Variants in CSMD3 observed in about 807,000 individuals in gnomAD.
The protein encoded by CSMD3 is CUB and Sushi multiple domains 3.
CSMD3 carries 177 observed loss-of-function variants against 435.2 expected under a neutral mutation model. That is an observed-to-expected ratio of 0.41 (90% CI 0.36 to 0.46). The LOEUF is 0.46. Among genes scored for constraint, CSMD3 ranks in the 20% least tolerant of loss-of-function variants. CSMD3 has a pLI of 0.34. For missense variants in CSMD3, 4,265 were observed against 4,504.6 expected (o/e 0.95, Z 1.52); for synonymous variants, 1,656 against 1,520.5 (o/e 1.09, Z -2.07).
chr8:112,594,913 G>GA (rs1376687791), intron 22 of CSMD3, among the ~76,000 whole-genome samples: 2 of 151,612 alleles, frequency 1.3e-5, no homozygotes, highest in East Asian at 1.9e-4. Flanking sequence ...CAAAGATGGG[G>GA]AAAAAACAGA....
At chr8:112,795,550 T>A (rs1167137147) in intron 13 of CSMD3, among the ~76,000 whole-genome samples, 1 of 152,134 alleles carries the variant, frequency 6.6e-6, no homozygotes, top group Non-Finnish European at 1.5e-5. Context: ...TCACTATAAT[T>A]TAATGGAATT....
At chr8:113,270,194 C>T (rs1417803388) in intron 3 of CSMD3, among the ~76,000 whole-genome samples, 1 of 151,974 alleles carries the variant, frequency 6.6e-6, no homozygotes, top group Non-Finnish European at 1.5e-5. Context: ...ATGTAGCCAA[C>T]AGACACATGA....
chr8:112,917,173 C>T (rs748246242), intron 10 of CSMD3, among the ~76,000 whole-genome samples: 84 of 151,968 alleles, frequency 5.5e-4, no homozygotes, highest in Non-Finnish European at 8.8e-4. Context: ...ATTCAAAATT[C>T]GAACACTTTA....
At chr8:112,723,958 C>T (rs28470486) in intron 13 of CSMD3, among the ~76,000 whole-genome samples, 2,093 of 151,804 alleles carry the variant, frequency 0.014, 48 homozygotes, top group African/African-American at 0.048. Context: ...AGAGATCATC[C>T]GTTCACTCCC....
At position 113,196,385 on chromosome 8, in the gene CSMD3, G is replaced by C. The variant is rs1216319911; in HGVS notation, c.515-22469C>G. Among the ~76,000 whole-genome samples, 3 of 151,210 alleles carry C rather than the reference G, an allele frequency of 2.0e-5. No homozygotes were observed. In the Admixed American group the frequency reaches 2.0e-4, roughly 10 times the overall value. On this transcript the variant is annotated intron_variant, in intron 3 of 70. Transcript: ENST00000297405. Reference sequence around the variant, plus strand: ...GAATACACATGACTTATTTGGGAAAGGTGGGCAGATTGGGGTGAATAGACT... The same window carrying C: ...GAATACACATGACTTATTTGGGAAACGTGGGCAGATTGGGGTGAATAGACT...
In CSMD3 at chr8:112,488,942, G is replaced by T. The variant is rs78103186; in HGVS notation, c.5278+3547C>A. On this transcript the variant is annotated intron_variant, in intron 31 of 70. Coordinates refer to ENST00000297405, the MANE Select transcript of CSMD3 (RefSeq NM_198123.2). Reference sequence around the variant, plus strand: ...TCTGACCAATAAGAGGATAGAGAGGGATAAGGCAGATGACCATTGCTTTAA... The same window carrying T: ...TCTGACCAATAAGAGGATAGAGAGGTATAAGGCAGATGACCATTGCTTTAA... Among the ~76,000 whole-genome samples the T allele has an allele frequency of 9.3e-4, 142 of 152,004 alleles. 3 individuals carry two copies. The East Asian group carries it at 0.026, about 28-fold the overall frequency.
chr8:113,029,648 G>A (rs1411374433), intron 5 of CSMD3, among the ~76,000 whole-genome samples: 2 of 151,548 alleles, frequency 1.3e-5, no homozygotes, highest in Admixed American at 1.3e-4. Context: ...AGCCATCTAT[G>A]AAACACCCAC....
At chr8:112,562,170 T>G (rs1175782677) in intron 24 of CSMD3, among the ~76,000 whole-genome samples, 1 of 151,672 alleles carries the variant, frequency 6.6e-6, no homozygotes, top group East Asian at 1.9e-4. Context: ...AAAAGATAAA[T>G]AGTAAAATTT....
intron 6 of CSMD3, among the ~76,000 whole-genome samples, chr8:112,997,842 G>A (rs1469750363): frequency 7.7e-6 from 1 of 130,588 alleles, no homozygotes; most frequent in African/African-American, 3.0e-5. Context: ...ATATACGTAT[G>A]TATGTACATG....
chr8:113,389,640 T>C (rs991995001), intron 1 of CSMD3, among the ~76,000 whole-genome samples: 5 of 151,756 alleles, frequency 3.3e-5, no homozygotes, highest in Non-Finnish European at 7.4e-5. Flanking sequence ...GACACACATG[T>C]TTTCAAAGTC....
chr8:112,250,879 A>C (rs1200722365), intron 63 of CSMD3, among the ~76,000 whole-genome samples: 2 of 151,858 alleles, frequency 1.3e-5, no homozygotes, highest in Non-Finnish European at 2.9e-5. Context: ...TAGAATTTTA[A>C]GACATGTTTA....
chr8:112,316,741 C>T (rs1822513348), intron 47 of CSMD3, among the ~76,000 whole-genome samples: 1 of 151,866 alleles, frequency 6.6e-6, no homozygotes, highest in South Asian at 2.1e-4. Context: ...CTCCTAGATT[C>T]AGTTGCAGCC....
At chr8:112,922,210 T>G (rs1310107892) in intron 9 of CSMD3, among the ~76,000 whole-genome samples, 1 of 152,016 alleles carries the variant, frequency 6.6e-6, no homozygotes, top group Non-Finnish European at 1.5e-5. Flanking sequence ...TCATAAGGTG[T>G]TTTTTTCTAA....
chr8:112,329,094 A>G (rs1335199341), intron 45 of CSMD3, among the ~76,000 whole-genome samples: 1 of 152,168 alleles, frequency 6.6e-6, no homozygotes, highest in African/African-American at 2.4e-5. Context: ...CTCCGCATGC[A>G]GACAGCTAAT....
chr8:112,335,266 C>A, intron 45 of CSMD3, 63 bp downstream of exon 45: 1 of 1,466,748 alleles, frequency 6.8e-7, no homozygotes, highest in East Asian at 2.3e-5. Context: ...ATATTACATT[C>A]ACTTTTTTCC....
At chr8:112,901,062 C>A (rs764732723) in intron 10 of CSMD3, among the ~76,000 whole-genome samples, 9 of 151,202 alleles carry the variant, frequency 6.0e-5, no homozygotes, top group Non-Finnish European at 8.9e-5. Context: ...TACTTGGTTT[C>A]AGACAAGTTA....
chr8:112,868,755 A>C (rs2081053843), intron 10 of CSMD3, among the ~76,000 whole-genome samples: 1 of 152,142 alleles, frequency 6.6e-6, no homozygotes, highest in East Asian at 1.9e-4. Context: ...AAAATACAAA[A>C]TGGGGGAAAG....
At chr8:112,924,124 T>C (rs983372770) in intron 9 of CSMD3, among the ~76,000 whole-genome samples, 1 of 152,174 alleles carries the variant, frequency 6.6e-6, no homozygotes, top group Non-Finnish European at 1.5e-5. Flanking sequence ...TTGACCCTCA[T>C]TCTGAGAGAA....
chr8:112,688,042 A>T (rs1172113118), intron 14 of CSMD3, among the ~76,000 whole-genome samples: 2 of 152,154 alleles, frequency 1.3e-5, no homozygotes, highest in African/African-American at 2.4e-5. Context: ...AAACCATACG[A>T]TCTCCTTTGC....
Sources: allele counts gnomAD v4.1 joint callset (sites outside exome capture counted in the v4.1 genomes callset), GRCh38; gene constraint gnomAD v4.1.1; transcripts MANE v1.5; gene names NCBI Gene and HGNC (gene_info 2026-07-23, HGNC 2026-07-21).